ESR2: variants seen among roughly 807,000 people sequenced by gnomAD.
ESR2 encodes estrogen receptor beta.
A neutral mutation model predicts 49.6 loss-of-function variants in ESR2; 36 were observed. That is an observed-to-expected ratio of 0.73 (90% confidence interval 0.56 to 0.96). The LOEUF is 0.96. Ranked by LOEUF, ESR2 falls within the 40% of genes least tolerant of loss-of-function variation. The pLI, the probability that ESR2 is intolerant of heterozygous loss-of-function variation, is 0.00. For synonymous variants in ESR2, 320 were observed against 266.1 expected, an observed-to-expected ratio of 1.20 and a Z score of -1.97; for missense variants, 714 against 693.0, an observed-to-expected ratio of 1.03 and a Z score of -0.34.
intron 1 of ESR2, among the ~76,000 whole-genome samples, chr14:64,293,319 G>T (rs1235474439): frequency 6.6e-6 from 1 of 152,118 alleles, no homozygotes; most frequent in African/African-American, 2.4e-5. Flanking sequence ...GTAAATACTA[G>T]AAATATAACA....
intron 1 of ESR2, among the ~76,000 whole-genome samples, chr14:64,285,928 CTCAA>C (rs1567779201): frequency 6.6e-6 from 1 of 151,598 alleles, no homozygotes; most frequent in African/African-American, 2.4e-5. Flanking sequence ...TGCACTGAAA[CTCAA>C]TCAATATTTG....
intron 1 of ESR2, among the ~76,000 whole-genome samples, chr14:64,304,212 T>C (rs908718038): frequency 5.3e-5 from 8 of 152,078 alleles, no homozygotes; most frequent in Non-Finnish European, 1.2e-4. Context: ...AGGGCTGAGG[T>C]GGGAGGATCA....
chr14:64,307,614 A>G (rs2077122960), intron 1 of ESR2, among the ~76,000 whole-genome samples: 1 of 152,012 alleles, frequency 6.6e-6, no homozygotes, highest in Admixed American at 6.6e-5. Context: ...AGCTCACTGC[A>G]ATCTCCGCCT....
intron 1 of ESR2, chr14:64,301,697 A>G (rs959857650): frequency 1.3e-5 from 2 of 152,212 alleles, no homozygotes; most frequent in Non-Finnish European, 2.9e-5. Flanking sequence ...GGTTTTCAGC[A>G]CAAACACTTC....
chr14:64,327,128 GT>G (rs1206610262), intron 1 of ESR2, among the ~76,000 whole-genome samples: 2 of 151,858 alleles, frequency 1.3e-5, no homozygotes, highest in Non-Finnish European at 2.9e-5. Flanking sequence ...TCTAGAATGG[GT>G]TTTTTTTGTT....
chr14:64,261,571 C>T (rs558821766), intron 4 of ESR2, among the ~76,000 whole-genome samples: 1 of 152,212 alleles, frequency 6.6e-6, no homozygotes, highest in East Asian at 1.9e-4. Context: ...GAGCCCGCCA[C>T]CATGCCTGGC....
chr14:64,231,266 T>C lies in ESR2; in HGVS notation c.*1871A>G, dbSNP rs1474064834. On this transcript the variant is annotated 3_prime_UTR_variant, in exon 9 of 9. Transcript: ENST00000341099. ...TAGAATTTCACTGGCAGATAATGAG[T>C]TGCTGAAGGCTGCCTTCTTTGCCTC... 1 of 152,150 alleles carries C rather than the reference T, an allele frequency of 6.6e-6. No individual in the cohort carries two copies. The highest frequency in any genetic ancestry group is 1.5e-5 in the Non-Finnish European group (1 of 68,034). The allele number at this position is 152,150 out of a possible 1,614,324, so 9.4% of individuals were successfully genotyped here.
intron 7 of ESR2, among the ~76,000 whole-genome samples, chr14:64,243,410 T>C (rs914820745): frequency 1.3e-5 from 2 of 152,316 alleles, no homozygotes; most frequent in East Asian, 1.9e-4. Context: ...AGTGAGCACA[T>C]GCTGTTGGAA....
intron 1 of ESR2, 54 bp from the exon 2 acceptor site, chr14:64,283,129 G>C: frequency 1.4e-6 from 1 of 694,080 alleles, no homozygotes; most frequent in Non-Finnish European, 2.3e-6. Context: ...TGTTAACTAT[G>C]AAAATTTAAA....
intron 1 of ESR2, among the ~76,000 whole-genome samples, chr14:64,302,316 A>G (rs1462297826): frequency 6.6e-6 from 1 of 151,328 alleles, no homozygotes; most frequent in East Asian, 1.9e-4. Flanking sequence ...CCTCCCAAAT[A>G]GCTGGGACTA....
Position 64,253,560 on chromosome 14 carries a change from TTGTGTG to T in ESR2, c.1091+3660_1091+3665del, listed in dbSNP as rs752711685. ...TGGGCCTCCCTTAGGGGTACACTAT[TTGTGTG>T]TGTGTGTGTGTGTGTGTGTGTGTGT... is the stretch of plus-strand genomic sequence containing the variant. On this transcript the variant is annotated intron_variant, in intron 6 of 8. Transcript: ENST00000341099. 0.028 allele frequency among the ~76,000 whole-genome samples: 3,797 copies of T among 136,594 alleles called. 244 individuals carry two copies. In the East Asian group the frequency reaches 0.28, roughly 10 times the overall value. 89.6% of individuals were successfully genotyped at this position (136,594 alleles called of 152,430 possible).
chr14:64,324,631 A>G lies in ESR2; in HGVS notation c.-91+13267T>C, dbSNP rs1010694722. Among the ~76,000 whole-genome samples, 4 of 152,190 alleles carry G rather than the reference A, an allele frequency of 2.6e-5. No individual in the cohort carries two copies. The South Asian group carries it at 8.3e-4, about 31-fold the overall frequency. On this transcript the variant is annotated intron_variant, in intron 1 of 8. Coordinates refer to the ESR2 transcript ENST00000358599. ...TGGAATGATTCACAAACAGCTGTTC[A>G]TAAAGATGATACAGCTGTTCCATTT...
chr14:64,287,591 C>G (rs1354923647), intron 1 of ESR2, among the ~76,000 whole-genome samples: 1 of 152,104 alleles, frequency 6.6e-6, no homozygotes. Flanking sequence ...TACTTGGTAG[C>G]CAATGCAAAG....
At chr14:64,273,325 T>C (rs902558938) in intron 3 of ESR2, among the ~76,000 whole-genome samples, 1 of 152,200 alleles carries the variant, frequency 6.6e-6, no homozygotes, top group Non-Finnish European at 1.5e-5. Context: ...CTGATTGCTC[T>C]AGCTAGGACT....
intron 8 of ESR2, 100 bp from the exon 9 acceptor site, chr14:64,233,423 C>T: frequency 8.9e-7 from 1 of 1,128,720 alleles, no homozygotes. Flanking sequence ...GTCTACCCCA[C>T]CCCTAAACCC....
At position 64,253,731 on chromosome 14, in the gene ESR2, A is replaced by G. The variant is rs1302745460; in HGVS notation, c.1091+3495T>C. ...TTTAAGGCTTAGAATTGGGAATTGA[A>G]AATTCGGTGGTTATCTTGAAGGAAT... On this transcript the variant is annotated intron_variant, in intron 6 of 8. Transcript: ENST00000341099. 4.6e-5 allele frequency among the ~76,000 whole-genome samples: 7 copies of G among 152,040 alleles called. No individual in the cohort carries two copies. In the East Asian group the frequency reaches 1.3e-3, roughly 29 times the overall value.
intron 1 of ESR2, among the ~76,000 whole-genome samples, chr14:64,313,263 T>C (rs1436546237): frequency 6.6e-6 from 1 of 152,144 alleles, no homozygotes; most frequent in Non-Finnish European, 1.5e-5. Context: ...TCAGGCATGA[T>C]AGCTCATGCC....
chr14:64,333,149 T>C (rs2140909486), intron 1 of ESR2, among the ~76,000 whole-genome samples: 1 of 152,234 alleles, frequency 6.6e-6, no homozygotes, highest in African/African-American at 2.4e-5. Flanking sequence ...ATTGTAATAA[T>C]GTTATACCAG....
Position 64,229,163 on chromosome 14 carries a change from CTGT to C in ESR2, c.*3971_*3973del. ...CTTATTTTTCCATCTGTCATTGCTG[CTGT>C]TGTGTAAAGGCTCATGCAGACCCAT... On this transcript the variant is annotated 3_prime_UTR_variant, in exon 9 of 9. Transcript: ENST00000341099. Among the ~76,000 whole-genome samples the C allele has an allele frequency of 2.6e-5, 4 of 152,222 alleles. No individual in the cohort carries two copies. In the South Asian group the frequency reaches 8.3e-4, roughly 32 times the overall value.
Sources: gnomAD v4.1 joint callset for allele counts (sites outside exome capture counted in the v4.1 genomes callset) on GRCh38, gnomAD v4.1.1 for gene constraint, MANE v1.5 for transcripts, NCBI Gene and HGNC (gene_info 2026-07-23, HGNC 2026-07-21) for gene names.